Variants in GPR39 observed in about 807,000 individuals in gnomAD.
GPR39 encodes the protein G protein-coupled receptor 39, also known as zinc sensing receptor.
In GPR39, 23 loss-of-function variants were observed where a neutral mutation model predicts 18.4. That is an observed-to-expected ratio of 1.25 (90% CI 0.90 to 1.77). GPR39 has a LOEUF of 1.77. Among genes scored for constraint, GPR39 ranks in the 40% most tolerant of loss-of-function variants. The probability of loss-of-function intolerance (pLI) is 0.00; values close to 1 mark genes in which losing one functional copy is unlikely to be tolerated. For missense variants in GPR39, 647 were observed against 602.4 expected, an observed-to-expected ratio of 1.07 and a Z score of -0.78; for synonymous variants, 280 against 257.9, an observed-to-expected ratio of 1.09 and a Z score of -0.82.
intron 1 of GPR39, among the ~76,000 whole-genome samples, chr2:132,459,196 T>C (rs1326340435): frequency 6.6e-6 from 1 of 152,148 alleles, no homozygotes; most frequent in Non-Finnish European, 1.5e-5. Context: ...TCTCCTAGGT[T>C]CATCACAGGT....
chr2:132,532,065 G>A (rs1269656164), intron 1 of GPR39, among the ~76,000 whole-genome samples: 1 of 151,604 alleles, frequency 6.6e-6, no homozygotes, highest in Non-Finnish European at 1.5e-5. Context: ...CCAGGAGCTG[G>A]TTTTTTGAAA....
At chr2:132,626,786 T>G (rs1039651125) in intron 1 of GPR39, among the ~76,000 whole-genome samples, 21 of 152,302 alleles carry the variant, frequency 1.4e-4, no homozygotes, top group African/African-American at 4.8e-4. Context: ...ATTAAAGACA[T>G]TTATATAATT....
chr2:132,473,593 T>C (rs1190871934), intron 1 of GPR39, among the ~76,000 whole-genome samples: 1 of 152,206 alleles, frequency 6.6e-6, no homozygotes, highest in Non-Finnish European at 1.5e-5. Context: ...AGTAGCAATA[T>C]ATTCAGTACC....
chr2:132,645,651 T>C lies in GPR39; in HGVS notation c.*45T>C, dbSNP rs1217696131. The C allele has an allele frequency of 5.7e-6, 9 of 1,569,434 alleles. No individual in the cohort carries two copies. Among genetic ancestry groups the C allele is most frequent in the Non-Finnish European group, 6.9e-6 (8 of 1,159,796 alleles). ...TGAGTGGGAACTGGCCCTCCAGCCCTAAGAAAACGTCACTCTCACTCTGCA... is the reference window on the plus strand; with the variant it reads ...TGAGTGGGAACTGGCCCTCCAGCCCCAAGAAAACGTCACTCTCACTCTGCA... On this transcript the variant is annotated 3_prime_UTR_variant, in exon 2 of 2. Transcript: ENST00000329321.
chr2:132,541,863 A>C lies in GPR39; in HGVS notation c.857-103238A>C, dbSNP rs570568170. On this transcript the variant is annotated intron_variant, in intron 1 of 1. Transcript: ENST00000329321. ...CATAACATAGACCAGGTGCCTTAAA[A>C]ACAACAGAAATTTATTTCTCACAGT... Among the ~76,000 whole-genome samples, 5 of 152,286 alleles carry C rather than the reference A, an allele frequency of 3.3e-5. No individual in the cohort carries two copies. In the East Asian group the frequency reaches 9.7e-4, roughly 29 times the overall value.
chr2:132,645,164 C>T lies in GPR39; in HGVS notation c.920C>T (p.Ala307Val), dbSNP rs749641131. 9.3e-6 allele frequency: 15 copies of T among 1,614,038 alleles called. No individual in the cohort carries two copies. Among genetic ancestry groups the T allele is most frequent in the Middle Eastern group, 1.6e-4 (1 of 6,084 alleles). ...MPNQIRRIMA[A>V]AKPKHDWTRS... Reference sequence around the variant, plus strand: ...AACCAGATTCGGAGGATCATGGCTGCGGCCAAACCCAAGCACGACTGGACG... The same window carrying T: ...AACCAGATTCGGAGGATCATGGCTGTGGCCAAACCCAAGCACGACTGGACG... The change falls in exon 2 of 2, where the codon GCG becomes GTG. Residue 307 changes from alanine to valine, a missense_variant. Around this residue, in one of 3 missense-constraint regions of GPR39, gnomAD observed 581 missense variants for 506.8 expected, o/e 1.15. Transcript: ENST00000329321.
At chr2:132,560,747 C>T (rs988772468) in intron 1 of GPR39, among the ~76,000 whole-genome samples, 2 of 152,164 alleles carry the variant, frequency 1.3e-5, no homozygotes, top group Non-Finnish European at 2.9e-5. Flanking sequence ...CCCAGCTTCT[C>T]CTCTCTCCAA....
intron 1 of GPR39, among the ~76,000 whole-genome samples, chr2:132,460,338 T>A (rs775471955): frequency 2.6e-5 from 4 of 152,188 alleles, no homozygotes; most frequent in African/African-American, 4.8e-5. Flanking sequence ...AATTTCTTGA[T>A]AGATGAATCT....
intron 1 of GPR39, among the ~76,000 whole-genome samples, chr2:132,435,804 T>G (rs997783914): frequency 3.3e-5 from 5 of 152,148 alleles, no homozygotes; most frequent in African/African-American, 4.8e-5. Context: ...AAAGTCCCCA[T>G]AGACATAAGA....
intron 1 of GPR39, among the ~76,000 whole-genome samples, chr2:132,594,194 CA>C (rs1443742856): frequency 6.6e-6 from 1 of 152,066 alleles, no homozygotes. Flanking sequence ...TCCTCATAAC[CA>C]GGGGTGGGGA....
chr2:132,483,402 G>A (rs1681271166), intron 1 of GPR39, among the ~76,000 whole-genome samples: 1 of 152,232 alleles, frequency 6.6e-6, no homozygotes, highest in South Asian at 2.1e-4. Context: ...GTGGGTGCAT[G>A]GCACGAATGT....
In GPR39 at chr2:132,574,871, T is replaced by A. The variant is rs950240729; in HGVS notation, c.857-70230T>A. 3.3e-5 allele frequency among the ~76,000 whole-genome samples: 5 copies of A among 152,350 alleles called. No homozygotes were observed. The East Asian group carries it at 9.6e-4, about 29-fold the overall frequency. On this transcript the variant is annotated intron_variant, in intron 1 of 1. Coordinates refer to ENST00000329321, the MANE Select transcript of GPR39 (RefSeq NM_001508.3). ...TGTATTTTTTGAATAGTAATACATT[T>A]GCTTGGTTTAAGATTAAACAGGCAC...
chr2:132,428,326 T>C (rs1022443112), intron 1 of GPR39, among the ~76,000 whole-genome samples: 2 of 152,226 alleles, frequency 1.3e-5, no homozygotes, highest in Non-Finnish European at 2.9e-5. Flanking sequence ...GAGATCAAAA[T>C]GCTGGTTCCT....
chr2:132,545,728 C>T (rs1305398790), intron 1 of GPR39, among the ~76,000 whole-genome samples: 3 of 151,740 alleles, frequency 2.0e-5, no homozygotes, highest in African/African-American at 7.3e-5. Context: ...TTTCAATGCA[C>T]CAAAGAATCA....
At chr2:132,552,944 T>A (rs11677880) in intron 1 of GPR39, among the ~76,000 whole-genome samples, 28,578 of 145,658 alleles carry the variant, frequency 0.2, 3,358 homozygotes, top group East Asian at 0.59. Flanking sequence ...ATATATATAT[T>A]TTTTTTTTTG....
In GPR39 at chr2:132,416,809, A is replaced by G; in HGVS notation, c.-234A>G. On this transcript the variant is annotated 5_prime_UTR_variant, in exon 1 of 2. It adds an upstream start codon to the 5' untranslated region. Coordinates refer to ENST00000329321, the MANE Select transcript of GPR39 (RefSeq NM_001508.3). ...TCTCCCCGCCTCGCCCCAGCCACAT[A>G]CACTCCCAAACCTCAACACCCAGGC... 1.7e-6 allele frequency: 1 copy of G among 593,268 alleles called. No homozygotes were observed. Among genetic ancestry groups the G allele is most frequent in the South Asian group, 2.2e-5 (1 of 45,066 alleles). 36.8% of individuals were successfully genotyped at this position (593,268 alleles called of 1,614,324 possible).
At chr2:132,435,461 C>T (rs28673587) in intron 1 of GPR39, among the ~76,000 whole-genome samples, 57,404 of 152,102 alleles carry the variant, frequency 0.38, 11,594 homozygotes, top group African/African-American at 0.53. Flanking sequence ...ACAATACATA[C>T]ACAAAATATG....
At chr2:132,553,488 A>G (rs182888874) in intron 1 of GPR39, among the ~76,000 whole-genome samples, 5 of 152,186 alleles carry the variant, frequency 3.3e-5, no homozygotes, top group Admixed American at 3.3e-4. Flanking sequence ...TTGAATGAGC[A>G]TCTACTACAT....
chr2:132,585,302 G>A (rs1680705346), intron 1 of GPR39, among the ~76,000 whole-genome samples: 1 of 151,998 alleles, frequency 6.6e-6, no homozygotes, highest in African/African-American at 2.4e-5. Context: ...CTGTCCCCCA[G>A]GCCTTTCCCT....
Sources: allele counts gnomAD v4.1 joint callset (sites outside exome capture counted in the v4.1 genomes callset), GRCh38; gene constraint gnomAD v4.1.1; regional missense constraint gnomAD v4.1.1; transcripts MANE v1.5; gene names NCBI Gene and HGNC (gene_info 2026-07-23, HGNC 2026-07-21).